Variants in SDK2 observed in about 807,000 individuals in gnomAD.
SDK2 encodes the protein sidekick cell adhesion molecule 2.
A neutral mutation model predicts 253.9 loss-of-function variants in SDK2; 105 were observed. That is an observed-to-expected ratio of 0.41 (90% CI 0.35 to 0.49). The LOEUF is 0.49. Ranked by LOEUF, SDK2 falls within the 20% of genes least tolerant of loss-of-function variation. SDK2 has a pLI of 0.06. For synonymous variants in SDK2, 1,249 were observed against 1,234.9 expected (o/e 1.01, Z -0.24); for missense variants, 2,608 against 3,003.0 (o/e 0.87, Z 3.07).
intron 40 of SDK2, among the ~76,000 whole-genome samples, chr17:73,355,174 A>ATATATATATATTTTTTTTTTT: frequency 1.9e-4 from 9 of 47,228 alleles, no homozygotes; most frequent in African/African-American, 9.8e-4. Context: ...ATATATATAT[A>ATATATATATATTTTTTTTTTT]TTTTTTTTTT....
intron 1 of SDK2, among the ~76,000 whole-genome samples, chr17:73,614,628 GGATTGAAAAGGGGGAGGGAGGGGGACAAA>G: frequency 3.4e-5 from 2 of 57,998 alleles, no homozygotes; most frequent in Admixed American, 1.7e-4. Context: ...AGGAGCACAA[GGATTGAAAAGGGGGAGGGAGGGGGACAAA>G]GATTGAAAAG....
At chr17:73,601,632 A>G (rs11657974) in intron 1 of SDK2, among the ~76,000 whole-genome samples, 50,176 of 151,960 alleles carry the variant, frequency 0.33, 9,366 homozygotes, top group African/African-American at 0.52. Context: ...GAGAATCACC[A>G]GTAGCGCCCA....
intron 16 of SDK2, among the ~76,000 whole-genome samples, chr17:73,417,612 G>A (rs938691986): frequency 6.6e-6 from 1 of 152,028 alleles, no homozygotes; most frequent in African/African-American, 2.4e-5. Context: ...GGCACTGAGA[G>A]GTCCCAGGGC....
intron 5 of SDK2, among the ~76,000 whole-genome samples, chr17:73,444,211 C>T (rs562047400): frequency 2.6e-5 from 4 of 152,134 alleles, no homozygotes; most frequent in Admixed American, 6.5e-5. Flanking sequence ...GTCGCAGGCT[C>T]GGGGACGCAC....
At position 73,395,482 on chromosome 17, in the gene SDK2, G is replaced by A. The variant is rs1038382391; in HGVS notation, c.3355-90C>T. Reference sequence around the variant, plus strand: ...GCCCTGCTACCCTCTCCTCCAGGGCGCCTTCAGGGCTATCCATCCCACTGT... The same window carrying A: ...GCCCTGCTACCCTCTCCTCCAGGGCACCTTCAGGGCTATCCATCCCACTGT... On this transcript the variant is annotated intron_variant, in intron 24 of 44. Transcript: ENST00000392650. This position sits in a 1 kb window ranked among gnomAD's most constrained non-coding sequence, Gnocchi z 4.3. 31 of 996,886 alleles carry A rather than the reference G, an allele frequency of 3.1e-5. No individual in the cohort carries two copies. Among genetic ancestry groups the A allele is most frequent in the South Asian group, 2.4e-4 (16 of 66,896 alleles). The allele number at this position is 996,886 out of a possible 1,614,324, so 61.8% of individuals were successfully genotyped here.
intron 36 of SDK2, among the ~76,000 whole-genome samples, chr17:73,374,737 G>A (rs1221463169): frequency 2.0e-5 from 3 of 151,968 alleles, no homozygotes; most frequent in Non-Finnish European, 2.9e-5. Context: ...CAAAGTGCTG[G>A]GATTACAGGT....
rs376364356 is a variant in SDK2 at position 73,414,778 on chromosome 17, C to T, written c.2369-19G>A. On this transcript the variant is annotated intron_variant, in intron 17 of 44. Transcript: ENST00000392650. The stretch of plus-strand genomic sequence containing the variant: ...GTGGGAACTAGAGGAGATGAGAGAA[C>T]GGGGTGGGGTGGAGGGGGCCCAGTC... 160 of 1,523,026 alleles carry T rather than the reference C, an allele frequency of 1.1e-4. No individual in the cohort carries two copies. Among genetic ancestry groups the T allele is most frequent in the South Asian group, 1.9e-4 (17 of 89,228 alleles). 94.3% of individuals were successfully genotyped at this position (1,523,026 alleles called of 1,614,324 possible).
rs569665582 is a variant in SDK2 at position 73,365,433 on chromosome 17, T to C, written c.5168-38A>G. 3.2e-6 allele frequency: 5 copies of C among 1,557,620 alleles called. No homozygotes were observed. The Admixed American group carries it at 9.8e-5, about 31-fold the overall frequency. On this transcript the variant is annotated intron_variant, in intron 37 of 44. Transcript: ENST00000392650. ...GCAAAGGGTTTTTGTTTCCTTCTTCTGTGGAAGTTCAAAGCCTCGGGTTCA... is the reference window on the plus strand; with the variant it reads ...GCAAAGGGTTTTTGTTTCCTTCTTCCGTGGAAGTTCAAAGCCTCGGGTTCA...
rs1443722652 is a variant in SDK2, at chr17:73,435,460, C to T, written c.1185G>A (p.Leu395=). 5.7e-6 allele frequency: 9 copies of T among 1,592,370 alleles called. No homozygotes were observed. Among genetic ancestry groups the T allele is most frequent in the Admixed American group, 1.7e-5 (1 of 57,470 alleles). The change falls in exon 9 of 45, where the codon CTG becomes CTA. Residue 395 remains leucine (L), a synonymous_variant. Coordinates refer to ENST00000392650, the MANE Select transcript of SDK2 (RefSeq NM_001144952.2). This position sits in a 1 kb window ranked among gnomAD's most constrained non-coding sequence, Gnocchi z 5.7. ...GAAGGCCCAACTTACTGGTGACAGC[C>T]AGGTAGGTGGAAGTTTGCACCTCGC... The part of the protein sequence containing the change: ...AAGEVQTSTY[L]AVTSIAPNIT...
chr17:73,614,100 C>T (rs1282195474), intron 1 of SDK2, among the ~76,000 whole-genome samples: 1 of 152,140 alleles, frequency 6.6e-6, no homozygotes. Context: ...TTCCCCAGCC[C>T]TCGCTCCCTC....
At position 73,507,335 on chromosome 17, in the gene SDK2, C is replaced by A. The variant is rs556747609; in HGVS notation, c.224+103G>T. 29 of 1,270,462 alleles carry A rather than the reference C, an allele frequency of 2.3e-5. No individual in the cohort carries two copies. In the East Asian group the frequency reaches 6.1e-4, roughly 27 times the overall value. The allele number at this position is 1,270,462 out of a possible 1,614,324, so 78.7% of individuals were successfully genotyped here. A position where few individuals can be genotyped will look rare whatever the true frequency, so the allele number is the denominator to read the frequency against. On this transcript the variant is annotated intron_variant, in intron 2 of 44. Coordinates refer to ENST00000392650, the MANE Select transcript of SDK2 (RefSeq NM_001144952.2). ...TCCAGAACTCCAGGCTCTAGGAGCC[C>A]TGAGCCCCACACTGTCACACAAACC... is the stretch of plus-strand genomic sequence containing the variant.
At chr17:73,538,564 G>A (rs768121683) in intron 1 of SDK2, among the ~76,000 whole-genome samples, 3 of 152,202 alleles carry the variant, frequency 2.0e-5, no homozygotes, top group Non-Finnish European at 4.4e-5. Context: ...CATTTGAAAA[G>A]ATGAATGGAT....
chr17:73,538,815 G>T (rs1426636846), intron 1 of SDK2, among the ~76,000 whole-genome samples: 1 of 152,166 alleles, frequency 6.6e-6, no homozygotes, highest in Non-Finnish European at 1.5e-5. Flanking sequence ...TCCCACCTTG[G>T]CCTCAGTGTC....
intron 1 of SDK2, among the ~76,000 whole-genome samples, chr17:73,537,486 C>T (rs573094631): frequency 1.3e-5 from 2 of 152,272 alleles, no homozygotes; most frequent in Admixed American, 6.5e-5. Flanking sequence ...CTCATAAGGG[C>T]TCCTTTCATC....
chr17:73,393,494 C>T, intron 27 of SDK2, 66 bp downstream of exon 27: 1 of 1,428,388 alleles, frequency 7.0e-7, no homozygotes, highest in South Asian at 1.6e-5. Flanking sequence ...AAGGGCAAGG[C>T]CAGATGGGCA....
chr17:73,503,327 C>T (rs892439082), intron 2 of SDK2, among the ~76,000 whole-genome samples: 2 of 152,164 alleles, frequency 1.3e-5, no homozygotes, highest in African/African-American at 4.8e-5. Context: ...TGTTAAATTT[C>T]CCAACTGTGA....
intron 17 of SDK2, among the ~76,000 whole-genome samples, chr17:73,415,126 G>C (rs977723437): frequency 6.6e-6 from 1 of 152,130 alleles, no homozygotes; most frequent in Non-Finnish European, 1.5e-5. Flanking sequence ...CCATGTCCAA[G>C]CCAGCCTCCT....
At chr17:73,375,858 G>T (rs1300349630) in intron 36 of SDK2, among the ~76,000 whole-genome samples, 1 of 113,616 alleles carries the variant, frequency 8.8e-6, no homozygotes, top group African/African-American at 3.1e-5. Context: ...TCCATCTCAG[G>T]AAAAAAAAGA....
At chr17:73,581,668 G>A (rs1366132356) in intron 1 of SDK2, among the ~76,000 whole-genome samples, 2 of 152,214 alleles carry the variant, frequency 1.3e-5, no homozygotes, top group Non-Finnish European at 2.9e-5. Flanking sequence ...CAACACTCTC[G>A]GAATGCCAGC....
Sources: gnomAD v4.1 joint callset for allele counts (sites outside exome capture counted in the v4.1 genomes callset) on GRCh38, gnomAD v4.1.1 for gene constraint, Gnocchi (gnomAD v3.1) non-coding constraint, MANE v1.5 for transcripts, NCBI Gene and HGNC (gene_info 2026-07-23, HGNC 2026-07-21) for gene names.